UNC5C: variants seen among roughly 807,000 people sequenced by gnomAD.
UNC5C encodes unc-5 netrin receptor C, also known as netrin receptor UNC5C.
Under a neutral mutation model 99.8 loss-of-function variants are expected in UNC5C, and 47 were observed. The ratio of observed to expected loss-of-function variants is 0.47; its 90% CI spans 0.37 to 0.60. UNC5C has a LOEUF of 0.60. Among genes scored for constraint, UNC5C ranks in the 20% least tolerant of loss-of-function variants. The pLI, the probability that UNC5C is intolerant of heterozygous loss-of-function variation, is 0.00. For missense variants in UNC5C, 1,062 were observed against 1,165.9 expected, an observed-to-expected ratio of 0.91 and a Z score of 1.30; for synonymous variants, 487 against 452.2, an observed-to-expected ratio of 1.08 and a Z score of -0.98.
Position 95,548,879 on chromosome 4 carries a change from G to C in UNC5C, c.-22C>G, listed in dbSNP as rs200465328. ...TCATCGTAGACAGAGGTGTGCCGGG[G>C]GGAGGGGAGGGGGACAGAGAGACGC... On this transcript the variant is annotated 5_prime_UTR_variant, in exon 1 of 16. Coordinates refer to ENST00000453304, the MANE Select transcript of UNC5C (RefSeq NM_003728.4). 12 of 1,611,372 alleles carry C rather than the reference G, an allele frequency of 7.4e-6. No individual in the cohort carries two copies. The highest frequency in any genetic ancestry group is 1.0e-5 in the Non-Finnish European group (12 of 1,179,172).
chr4:95,457,318 T>C (rs1747467042), intron 1 of UNC5C, among the ~76,000 whole-genome samples: 1 of 152,116 alleles, frequency 6.6e-6, no homozygotes, highest in Non-Finnish European at 1.5e-5. Context: ...CAGATTTGTC[T>C]AGGGTGTTTT....
At position 95,216,140 on chromosome 4, in the gene UNC5C, T is replaced by C. The variant is rs2149366406; in HGVS notation, c.1717A>G (p.Arg573Gly). The change falls in exon 10 of 16, where the codon AGG becomes GGG. Residue 573 changes from arginine (R) to glycine (G), a missense_variant. Arg to Gly is a moderately radical substitution (Grantham distance 125, BLOSUM62 -2). This residue lies in a region of UNC5C where 810 missense variants were observed against 854.5 expected (regional missense o/e 0.95). Coordinates refer to ENST00000453304, the MANE Select transcript of UNC5C (RefSeq NM_003728.4). ...RVYEMYVTVH[R>G]KETMRPPMDD... ...CATATTTACCTCATAGTTTCTTTCC[T>C]GTGTACAGTCACATACATTTCGTAG... is the stretch of plus-strand genomic sequence containing the variant. The C allele has an allele frequency of 6.2e-7, 1 of 1,613,592 alleles. No individual in the cohort carries two copies. Among genetic ancestry groups the C allele is most frequent in the Non-Finnish European group, 8.5e-7 (1 of 1,179,824 alleles).
At chr4:95,195,776 GTTTC>G (rs1737355112) in intron 12 of UNC5C, among the ~76,000 whole-genome samples, 2 of 151,886 alleles carry the variant, frequency 1.3e-5, no homozygotes, top group African/African-American at 4.8e-5. Context: ...ACCTTCCAGT[GTTTC>G]TTTCATTCTT....
chr4:95,543,808 T>C (rs1424906273), intron 1 of UNC5C, among the ~76,000 whole-genome samples: 3 of 152,152 alleles, frequency 2.0e-5, no homozygotes, highest in Non-Finnish European at 4.4e-5. Flanking sequence ...TTTTTAGAAC[T>C]AATATTAGGT....
chr4:95,244,838 A>T, intron 6 of UNC5C, 139 bp downstream of exon 6: 1 of 1,171,754 alleles, frequency 8.5e-7, no homozygotes, highest in South Asian at 1.4e-5. Flanking sequence ...TTTCCCAGCA[A>T]TGTAAACAGT....
At chr4:95,169,431 A>G in intron 15 of UNC5C, 32 bp from the exon 16 acceptor site, 3 of 1,607,910 alleles carry the variant, frequency 1.9e-6, no homozygotes, top group Non-Finnish European at 2.6e-6. Context: ...TGTGCTCAAC[A>G]GTGTGACTTA....
At chr4:95,529,654 G>A (rs903177971) in intron 1 of UNC5C, among the ~76,000 whole-genome samples, 6 of 151,944 alleles carry the variant, frequency 3.9e-5, no homozygotes, top group African/African-American at 1.5e-4. Context: ...TTGAGTCCAG[G>A]AGGTCGAAGC....
At chr4:95,278,162 G>T in intron 4 of UNC5C, 97 bp downstream of exon 4, 1 of 997,520 alleles carries the variant, frequency 1.0e-6, no homozygotes, top group Non-Finnish European at 1.6e-6. Flanking sequence ...CATTCATCAT[G>T]CCATACCCTA....
intron 1 of UNC5C, among the ~76,000 whole-genome samples, chr4:95,485,386 T>C (rs1033596280): frequency 2.0e-5 from 3 of 151,782 alleles, no homozygotes; most frequent in Admixed American, 2.0e-4. Context: ...AAACGTGTAG[T>C]AAAGAGAAAA....
intron 12 of UNC5C, among the ~76,000 whole-genome samples, chr4:95,199,174 A>C (rs926568709): frequency 1.3e-5 from 2 of 152,162 alleles, no homozygotes; most frequent in Non-Finnish European, 2.9e-5. Flanking sequence ...TCTGGGCAAC[A>C]GTGGTTAGAG....
chr4:95,458,781 C>A (rs1747514254), intron 1 of UNC5C, among the ~76,000 whole-genome samples: 1 of 151,666 alleles, frequency 6.6e-6, no homozygotes, highest in Non-Finnish European at 1.5e-5. Flanking sequence ...TCTTTTAATC[C>A]CCATAATGAT....
intron 1 of UNC5C, among the ~76,000 whole-genome samples, chr4:95,364,642 A>G (rs1252949078): frequency 6.6e-6 from 1 of 152,144 alleles, no homozygotes; most frequent in South Asian, 2.1e-4. Flanking sequence ...ACAGATTTCA[A>G]ATGAGTGCCT....
At chr4:95,423,711 C>T (rs547349802) in intron 1 of UNC5C, among the ~76,000 whole-genome samples, 1 of 152,254 alleles carries the variant, frequency 6.6e-6, no homozygotes, top group South Asian at 2.1e-4. Context: ...AGGCATAAGT[C>T]ATCTAAGGCT....
At chr4:95,170,441 T>C (rs1736050673) in intron 14 of UNC5C, 109 bp from the exon 15 acceptor site, 20 of 1,292,610 alleles carry the variant, frequency 1.5e-5, no homozygotes, top group Non-Finnish European at 2.2e-5. Flanking sequence ...AAAGAATGAA[T>C]GCTGTTATTC....
chr4:95,222,281 A>G (rs1738497162), intron 7 of UNC5C: 1 of 1,417,398 alleles, frequency 7.1e-7, no homozygotes, highest in Non-Finnish European at 9.3e-7. Flanking sequence ...AAAAGAAAAA[A>G]AAATGAAACA....
chr4:95,393,096 G>A (rs907631128), intron 1 of UNC5C, among the ~76,000 whole-genome samples: 3 of 152,126 alleles, frequency 2.0e-5, no homozygotes, highest in Non-Finnish European at 4.4e-5. Context: ...AAAGTAGTAA[G>A]TCACTGGCTT....
chr4:95,267,366 A>T (rs1235052065), intron 4 of UNC5C, among the ~76,000 whole-genome samples: 1 of 152,194 alleles, frequency 6.6e-6, no homozygotes, highest in African/African-American at 2.4e-5. Flanking sequence ...TTCCTTTTTA[A>T]AATAAGCAAA....
chr4:95,232,103 G>A (rs916036086), intron 7 of UNC5C, among the ~76,000 whole-genome samples: 1 of 151,962 alleles, frequency 6.6e-6, no homozygotes, highest in African/African-American at 2.4e-5. Context: ...TTCACAGTAG[G>A]TGAAGCATAA....
chr4:95,258,447 A>G (rs1290537270), intron 4 of UNC5C, among the ~76,000 whole-genome samples: 1 of 152,224 alleles, frequency 6.6e-6, no homozygotes, highest in Non-Finnish European at 1.5e-5. Context: ...AAGAGAAAGA[A>G]AAACAGGTTG....
Sources: allele counts gnomAD v4.1 joint callset (sites outside exome capture counted in the v4.1 genomes callset), GRCh38; gene constraint gnomAD v4.1.1; regional missense constraint gnomAD v4.1.1; transcripts MANE v1.5; gene names NCBI Gene and HGNC (gene_info 2026-07-23, HGNC 2026-07-21).